ZNF18: variants seen among roughly 807,000 people sequenced by gnomAD.
The protein encoded by ZNF18 is heart development-specific gene 1 protein.
In ZNF18, 42 loss-of-function variants were observed where a neutral mutation model predicts 58.1. The ratio of observed to expected loss-of-function variants is 0.72; its 90% CI spans 0.56 to 0.93. ZNF18 has a LOEUF of 0.93. Among genes scored for constraint, ZNF18 ranks in the 40% least tolerant of loss-of-function variants. The pLI, the probability that ZNF18 is intolerant of heterozygous loss-of-function variation, is 0.00. For synonymous variants in ZNF18, 231 were observed against 239.8 expected (o/e 0.96, Z 0.34); for missense variants, 540 against 644.2 (o/e 0.84, Z 1.75).
At chr17:11,991,550 G>A (rs540409987) in intron 2 of ZNF18, among the ~76,000 whole-genome samples, 2 of 152,330 alleles carry the variant, frequency 1.3e-5, no homozygotes, top group African/African-American at 2.4e-5. Flanking sequence ...TTAGAATTAC[G>A]TGAGGTATGG....
Position 11,977,778 on chromosome 17 carries a change from G to T in ZNF18, c.*179C>A. The T allele has an allele frequency of 1.5e-6, 1 of 656,426 alleles. No homozygotes were observed. The highest frequency in any genetic ancestry group is 2.5e-6 in the Non-Finnish European group (1 of 405,564). The allele number at this position is 656,426 out of a possible 1,614,324, so 40.7% of individuals were successfully genotyped here. ...CAGAATCAAGAATTTAAGCCATTGT[G>T]CAATCCAATCCAAGATATCCTCCAA... On this transcript the variant is annotated 3_prime_UTR_variant, in exon 7 of 7. Coordinates refer to ENST00000580306, the MANE Select transcript of ZNF18 (RefSeq NM_001303281.2).
At chr17:11,992,356 A>T in intron 2 of ZNF18, 87 bp downstream of exon 2, 1 of 1,506,194 alleles carries the variant, frequency 6.6e-7, no homozygotes. Context: ...TTGTGTCATA[A>T]GTGGTATCAG....
chr17:11,984,073 T>G (rs763778851), intron 5 of ZNF18, 40 bp downstream of exon 5: 4 of 1,563,388 alleles, frequency 2.6e-6, no homozygotes, highest in Non-Finnish European at 3.5e-6. Flanking sequence ...AGTTTTCCAG[T>G]CCTTCTACCT....
the ZNF18 span, chr17:12,020,835 A>G: frequency 3.5e-6 from 3 of 856,134 alleles, no homozygotes; most frequent in Non-Finnish European, 4.6e-6. Flanking sequence ...CGAGAGGCCG[A>G]GCTTGCTGCA....
chr17:11,991,195 A>G (rs749397301), intron 2 of ZNF18, 32 bp from the exon 3 acceptor site: 2 of 1,567,660 alleles, frequency 1.3e-6, no homozygotes, highest in African/African-American at 1.4e-5. Flanking sequence ...GTAATTACTG[A>G]AGAATCCAGA....
upstream of ZNF18, among the ~76,000 whole-genome samples, chr17:11,998,822 CTTTTTTTTT>C (rs71142260): frequency 9.2e-6 from 1 of 108,522 alleles, no homozygotes; most frequent in African/African-American, 3.7e-5. Context: ...AGTTTCTAGT[CTTTTTTTTT>C]TTTTTTTTTT....
At chr17:11,985,381 C>CAAGG (rs1413952961) in intron 4 of ZNF18, among the ~76,000 whole-genome samples, 1 of 152,174 alleles carries the variant, frequency 6.6e-6, no homozygotes, top group African/African-American at 2.4e-5. Context: ...TTGCCACTTT[C>CAAGG]TAGCTGTGCA....
chr17:12,012,906 G>A, the ZNF18 span, among the ~76,000 whole-genome samples: 10 of 151,690 alleles, frequency 6.6e-5, no homozygotes, highest in Non-Finnish European at 1.5e-4. Context: ...AATTTTCTTG[G>A]CCTAATTTTC....
At chr17:11,989,713 T>C (rs888496911) in intron 4 of ZNF18, among the ~76,000 whole-genome samples, 2 of 151,878 alleles carry the variant, frequency 1.3e-5, no homozygotes, top group Admixed American at 6.6e-5. Flanking sequence ...ATGAAAAATA[T>C]ACTGGATGAG....
intron 4 of ZNF18, among the ~76,000 whole-genome samples, chr17:11,988,127 G>A: frequency 6.6e-6 from 1 of 152,080 alleles, no homozygotes; most frequent in East Asian, 1.9e-4. Context: ...ACATAAATCT[G>A]TCCCAGAGAC....
At position 11,978,700 on chromosome 17, in the gene ZNF18, G is replaced by T; in HGVS notation, c.907C>A (p.His303Asn). ...GCATGCAGGAGCTCCTGGTCCCTGT[G>T]ATTCTCCAAATTTAGGTTCTCCTTG... ...NDKENLNLENHRDQELLHASC... is the reference protein window; with the variant it reads ...NDKENLNLENNRDQELLHASC... The change falls in exon 7 of 7, where the codon CAC (histidine) becomes AAC (asparagine). Residue 303 changes from histidine to asparagine, a missense_variant. Physicochemically the swap from His to Asn is moderately conservative, Grantham distance 68 (BLOSUM62 1). Transcript: ENST00000580306. 6.2e-7 allele frequency: 1 copy of T among 1,604,672 alleles called. No individual in the cohort carries two copies.
chr17:11,992,406 T>C (rs749898420), intron 2 of ZNF18, 37 bp downstream of exon 2: 2 of 1,590,262 alleles, frequency 1.3e-6, no homozygotes, highest in Non-Finnish European at 1.7e-6. Flanking sequence ...AGAGGAGCCC[T>C]GTGTTTCACT....
At chr17:11,999,141 G>C (rs1264920972), upstream of ZNF18, among the ~76,000 whole-genome samples, 1 of 152,138 alleles carries the variant, frequency 6.6e-6, no homozygotes, top group African/African-American at 2.4e-5. Context: ...TGGTTTAGAG[G>C]GGAAGATTAT....
At chr17:12,008,755 T>C in the ZNF18 span, among the ~76,000 whole-genome samples, 1 of 152,216 alleles carries the variant, frequency 6.6e-6, no homozygotes, top group Non-Finnish European at 1.5e-5. Flanking sequence ...CACAGTTCAC[T>C]TGATACTTAC....
intron 4 of ZNF18, among the ~76,000 whole-genome samples, chr17:11,987,861 C>A (rs1313460785): frequency 6.6e-6 from 1 of 152,140 alleles, no homozygotes; most frequent in Non-Finnish European, 1.5e-5. Context: ...CCACCTTCCC[C>A]CAGAGTAAAC....
chr17:11,978,011 G>A lies in ZNF18; in HGVS notation c.1596C>T (p.Ser532=), dbSNP rs1260872190. ...ATCTTTGATGTTTGTCAAGGCTCGA[G>A]CTCCAGCTGAAACTTTTCCCACAGT... ...CSHCGKSFSW[S]SSLDKHQRSH... The change falls in exon 7 of 7, where the codon AGC becomes AGT. Residue 532 remains serine (S), a synonymous_variant. Coordinates refer to ENST00000580306, the MANE Select transcript of ZNF18 (RefSeq NM_001303281.2). 1.2e-6 allele frequency: 2 copies of A among 1,603,840 alleles called. No homozygotes were observed. Among genetic ancestry groups the A allele is most frequent in the Admixed American group, 1.7e-5 (1 of 58,312 alleles).
chr17:11,999,919 G>A (rs1208049137), upstream of ZNF18, among the ~76,000 whole-genome samples: 2 of 152,148 alleles, frequency 1.3e-5, no homozygotes, highest in African/African-American at 4.8e-5. Flanking sequence ...AGAGGAAATT[G>A]CAAAAGTTTT....
At chr17:11,991,301 T>A in intron 2 of ZNF18, 138 bp from the exon 3 acceptor site, 1 of 839,046 alleles carries the variant, frequency 1.2e-6, no homozygotes, top group Non-Finnish European at 1.8e-6. Context: ...CTTTTATTTC[T>A]AGTCCAGCAG....
the ZNF18 span, among the ~76,000 whole-genome samples, chr17:12,018,588 A>C: frequency 3.2e-4 from 49 of 152,334 alleles, no homozygotes; most frequent in African/African-American, 1.1e-3. Flanking sequence ...GGACTCCAAC[A>C]TGTAAATTTG....
Sources: allele counts gnomAD v4.1 joint callset (sites outside exome capture counted in the v4.1 genomes callset), GRCh38; gene constraint gnomAD v4.1.1; transcripts MANE v1.5; gene names NCBI Gene and HGNC (gene_info 2026-07-23, HGNC 2026-07-21).